Variants in CYP4Z1 observed in about 807,000 individuals in gnomAD.
CYP4Z1 encodes cytochrome P450 4Z1.
In CYP4Z1, 41 loss-of-function variants were observed where a neutral mutation model predicts 54.2. That is an observed-to-expected ratio of 0.76 (90% confidence interval 0.59 to 0.98). CYP4Z1 has a LOEUF of 0.98. Ranked by LOEUF, CYP4Z1 falls within the 50% of genes least tolerant of loss-of-function variation. The pLI is 0.00. For synonymous variants in CYP4Z1, 163 were observed against 206.2 expected (o/e 0.79, Z 1.79); for missense variants, 513 against 599.0 (o/e 0.86, Z 1.50).
upstream of CYP4Z1, among the ~76,000 whole-genome samples, chr1:47,064,339 C>T (rs887263083): frequency 1.3e-5 from 2 of 152,062 alleles, no homozygotes; most frequent in African/African-American, 4.8e-5. Context: ...ACCTCAGCTT[C>T]CCAAAGTGCT....
chr1:47,096,417 AAAAAT>A (rs1644677138), intron 7 of CYP4Z1, among the ~76,000 whole-genome samples: 2 of 152,286 alleles, frequency 1.3e-5, no homozygotes, highest in East Asian at 1.9e-4. Flanking sequence ...AATAATAGTA[AAAAAT>A]AAAATAACAT....
upstream of CYP4Z1, among the ~76,000 whole-genome samples, chr1:47,063,410 A>AAAGT (rs1644434110): frequency 1.3e-5 from 2 of 152,168 alleles, no homozygotes; most frequent in Non-Finnish European, 2.9e-5. Context: ...ATTGCCAGAA[A>AAAGT]AAGTATTCAG....
At chr1:47,114,499 T>A (rs1342208552) in intron 9 of CYP4Z1, among the ~76,000 whole-genome samples, 2 of 152,102 alleles carry the variant, frequency 1.3e-5, no homozygotes, top group African/African-American at 4.8e-5. Flanking sequence ...ACCATCAGAG[T>A]GAACAGGCAA....
chr1:47,063,296 GA>G (rs1644433528), upstream of CYP4Z1, among the ~76,000 whole-genome samples: 1 of 151,926 alleles, frequency 6.6e-6, no homozygotes, highest in South Asian at 2.1e-4. Context: ...GAAGGAACCA[GA>G]AAAAAACAAT....
chr1:47,104,917 CT>C (rs34454678), intron 8 of CYP4Z1, among the ~76,000 whole-genome samples: 64,808 of 149,924 alleles, frequency 0.43, 15,259 homozygotes, highest in East Asian at 0.96. Context: ...GCTGGGGCTG[CT>C]TTTTTTTTTG....
upstream of CYP4Z1, among the ~76,000 whole-genome samples, chr1:47,062,950 C>CAAAAACA (rs1644431727): frequency 6.6e-6 from 1 of 152,200 alleles, no homozygotes; most frequent in Non-Finnish European, 1.5e-5. Flanking sequence ...AGTGCACTAA[C>CAAAAACA]AAAAACAAAA....
Position 47,099,135 on chromosome 1 carries a change from T to A in CYP4Z1, c.918T>A (p.Ala306=), listed in dbSNP as rs781481564. 5.0e-6 allele frequency: 8 copies of A among 1,614,120 alleles called. No individual in the cohort carries two copies. The highest frequency in any genetic ancestry group is 4.2e-6 in the Non-Finnish European group (5 of 1,179,998). ...ATTTCTCTGAAGCAGATCTCCAGGC[T>A]GAAGTGAAAACGTTCATGTTTGCAG... is the stretch of plus-strand genomic sequence containing the variant. The part of the protein sequence containing the change: ...TKDFSEADLQ[A]EVKTFMFAGH... The change falls in exon 8 of 12, where the codon GCT becomes GCA. Residue 306 remains alanine (A), a synonymous_variant. Transcript: ENST00000334194.
intron 4 of CYP4Z1, among the ~76,000 whole-genome samples, chr1:47,083,301 C>T (rs1250873881): frequency 6.6e-6 from 1 of 152,114 alleles, no homozygotes; most frequent in Non-Finnish European, 1.5e-5. Context: ...TTATGACCCT[C>T]GTCACCATGC....
chr1:47,094,777 G>T (rs1644664942), intron 7 of CYP4Z1, 108 bp downstream of exon 7: 2 of 636,854 alleles, frequency 3.1e-6, no homozygotes, highest in East Asian at 3.3e-5. Flanking sequence ...GGAGGCCAAG[G>T]CGGGCAGATC....
chr1:47,111,740 A>G (rs2148542028), intron 9 of CYP4Z1, among the ~76,000 whole-genome samples: 1 of 152,358 alleles, frequency 6.6e-6, no homozygotes, highest in African/African-American at 2.4e-5. Flanking sequence ...ACCACAATAA[A>G]AAAACTTAAT....
intron 10 of CYP4Z1, among the ~76,000 whole-genome samples, chr1:47,115,850 G>A (rs1353931566): frequency 6.6e-6 from 1 of 152,192 alleles, no homozygotes; most frequent in Non-Finnish European, 1.5e-5. Flanking sequence ...AACTGACACT[G>A]CACTGTTTAA....
chr1:47,104,397 G>A (rs1188470293), intron 8 of CYP4Z1, among the ~76,000 whole-genome samples: 8 of 152,208 alleles, frequency 5.3e-5, no homozygotes, highest in Admixed American at 1.3e-4. Context: ...ACTAGCACCA[G>A]TGTTAGCTAC....
At chr1:47,077,332 A>C (rs1167430462) in intron 2 of CYP4Z1, among the ~76,000 whole-genome samples, 1 of 152,064 alleles carries the variant, frequency 6.6e-6, no homozygotes, top group Non-Finnish European at 1.5e-5. Context: ...ACAATATATA[A>C]TGTCTTTCTT....
rs778438719 is a variant in CYP4Z1 at position 47,106,305 on chromosome 1, G to A, written c.1201+44G>A. The A allele has an allele frequency of 1.9e-6, 3 of 1,584,562 alleles. No individual in the cohort carries two copies. In the South Asian group the frequency reaches 3.5e-5, roughly 18 times the overall value. On this transcript the variant is annotated intron_variant, in intron 9 of 11. Transcript: ENST00000334194. ...TTTTTTTTAACAATGCAGCTGTGCT[G>A]GATTGAAATGTCTTAACATACTCAT... is the stretch of plus-strand genomic sequence containing the variant.
intron 7 of CYP4Z1, 136 bp from the exon 8 acceptor site, chr1:47,098,958 A>C: frequency 9.5e-7 from 1 of 1,049,596 alleles, no homozygotes; most frequent in Non-Finnish European, 1.4e-6. Context: ...AAAGTAAAAT[A>C]GAAAAATATA....
At chr1:47,060,488 G>A in the CYP4Z1 span, among the ~76,000 whole-genome samples, 591 of 120,530 alleles carry the variant, frequency 4.9e-3, 3 homozygotes, top group African/African-American at 0.018. Context: ...CAAGGTAAAG[G>A]GTTCTATTTA....
rs559315378 is a variant in CYP4Z1, at chr1:47,087,955, T to G, written c.772+2977T>G. Among the ~76,000 whole-genome samples, 7 of 152,344 alleles carry G rather than the reference T, an allele frequency of 4.6e-5. No individual in the cohort carries two copies. The South Asian group carries it at 1.4e-3, about 32-fold the overall frequency. On this transcript the variant is annotated intron_variant, in intron 6 of 11. Coordinates refer to ENST00000334194, the MANE Select transcript of CYP4Z1 (RefSeq NM_178134.3). ...TTTTCTGCATCTATTGGGAAAATCA[T>G]GTGGTTTTTGTCTTTGGTTCTCTTT...
At chr1:47,100,543 C>T (rs1389337849) in intron 8 of CYP4Z1, among the ~76,000 whole-genome samples, 1 of 152,156 alleles carries the variant, frequency 6.6e-6, no homozygotes, top group African/African-American at 2.4e-5. Context: ...CAGTTGGTCA[C>T]GGTTGGTGTT....
upstream of CYP4Z1, among the ~76,000 whole-genome samples, chr1:47,062,345 C>A (rs577271324): frequency 6.6e-6 from 1 of 152,202 alleles, no homozygotes; most frequent in African/African-American, 2.4e-5. Flanking sequence ...AATCTACAGA[C>A]CTTTGAAGTA....
Sources: gnomAD v4.1 joint callset for allele counts (sites outside exome capture counted in the v4.1 genomes callset) on GRCh38, gnomAD v4.1.1 for gene constraint, MANE v1.5 for transcripts, NCBI Gene and HGNC (gene_info 2026-07-23, HGNC 2026-07-21) for gene names.